The following TRIM2 variants were observed in gnomAD, a reference collection of about 807,000 sequenced individuals.
TRIM2 encodes tripartite motif-containing protein 2.
In TRIM2, 20 loss-of-function variants were observed where a neutral mutation model predicts 75.2. The observed-to-expected ratio is 0.27, with a 90% CI of 0.19 to 0.39. TRIM2 has a LOEUF of 0.39. Among genes scored for constraint, TRIM2 ranks in the 10% least tolerant of loss-of-function variants. The pLI, the probability that TRIM2 is intolerant of heterozygous loss-of-function variation, is 1.00. For missense variants in TRIM2, 660 were observed against 990.8 expected (o/e 0.67, Z 4.48); for synonymous variants, 373 against 388.3 (o/e 0.96, Z 0.46).
At chr4:153,268,128 C>T (rs376392074) in intron 1 of TRIM2, among the ~76,000 whole-genome samples, 3 of 152,152 alleles carry the variant, frequency 2.0e-5, no homozygotes. Flanking sequence ...GATTACCGGT[C>T]TGGGTGGTGT....
intron 1 of TRIM2, among the ~76,000 whole-genome samples, chr4:153,234,133 C>T (rs1176705209): frequency 6.6e-6 from 1 of 152,222 alleles, no homozygotes; most frequent in Non-Finnish European, 1.5e-5. Context: ...AAATGAGTCA[C>T]TGCGGAAGAG....
At chr4:153,274,230 GT>G (rs1757525638) in intron 2 of TRIM2, among the ~76,000 whole-genome samples, 1 of 152,206 alleles carries the variant, frequency 6.6e-6, no homozygotes, top group East Asian at 1.9e-4. Context: ...GTGGATAATT[GT>G]TAGAGGGTAC....
chr4:153,228,034 G>A (rs915586901), intron 1 of TRIM2, among the ~76,000 whole-genome samples: 1 of 152,146 alleles, frequency 6.6e-6, no homozygotes, highest in African/African-American at 2.4e-5. Context: ...TTATAAAAGT[G>A]AACCTCTTAT....
intron 1 of TRIM2, among the ~76,000 whole-genome samples, chr4:153,196,136 T>C (rs1382970513): frequency 6.6e-6 from 1 of 152,152 alleles, no homozygotes; most frequent in African/African-American, 2.4e-5. Flanking sequence ...GAGAAGTTAA[T>C]GAACATTGGC....
At chr4:153,237,264 A>G (rs1223215278) in intron 1 of TRIM2, among the ~76,000 whole-genome samples, 3 of 152,206 alleles carry the variant, frequency 2.0e-5, no homozygotes, top group Non-Finnish European at 4.4e-5. Context: ...TTAGTACCAT[A>G]TTATAACCAC....
chr4:153,184,223 G>A (rs1051880005), intron 1 of TRIM2, among the ~76,000 whole-genome samples: 2 of 152,114 alleles, frequency 1.3e-5, no homozygotes, highest in African/African-American at 4.8e-5. Flanking sequence ...CACAGTTTTG[G>A]AGGCTGGAAG....
At chr4:153,251,914 G>A (rs1268331304) in intron 1 of TRIM2, among the ~76,000 whole-genome samples, 1 of 142,522 alleles carries the variant, frequency 7.0e-6, no homozygotes, top group Non-Finnish European at 1.5e-5. Context: ...CCAGGAGGTC[G>A]AGCAGCAGTC....
At chr4:153,164,508 C>G (rs1420125132) in intron 1 of TRIM2, among the ~76,000 whole-genome samples, 1 of 151,958 alleles carries the variant, frequency 6.6e-6, no homozygotes, top group Non-Finnish European at 1.5e-5. Flanking sequence ...ATTTTTCATT[C>G]TTTTATTCAA....
At chr4:153,261,779 G>A (rs528626032) in intron 1 of TRIM2, among the ~76,000 whole-genome samples, 1 of 152,246 alleles carries the variant, frequency 6.6e-6, no homozygotes, top group East Asian at 1.9e-4. Flanking sequence ...ATAGTTTTCT[G>A]ATCTAAATGG....
At chr4:153,323,929 G>A in intron 9 of TRIM2, 149 bp from the exon 10 acceptor site, 1 of 627,252 alleles carries the variant, frequency 1.6e-6, no homozygotes, top group Non-Finnish European at 2.7e-6. Context: ...TGGAGGTCTG[G>A]CTGAATGATC....
rs202177942 is a variant in TRIM2 at position 153,295,765 on chromosome 4, C to T, written c.1239C>T (p.Asn413=). The change falls in exon 6 of 12, where the codon AAC becomes AAT. Residue 413 remains asparagine (N), a synonymous_variant. Coordinates refer to ENST00000338700, the MANE Select transcript of TRIM2 (RefSeq NM_015271.5). This position sits in a 1 kb window ranked among gnomAD's most constrained non-coding sequence, Gnocchi z 7.2. ...ACGGGGAGATCCTGGACAACAAGAA[C>T]GGCACCTATGAGTTTTTGTACACTG... The part of the protein sequence containing the change: ...VADGEILDNK[N]GTYEFLYTVQ... The T allele has an allele frequency of 1.7e-5, 27 of 1,614,054 alleles. No homozygotes were observed. Among genetic ancestry groups the T allele is most frequent in the East Asian group, 2.2e-5 (1 of 44,876 alleles).
Position 153,239,835 on chromosome 4 carries a change from T to TC in TRIM2, c.31-30500_31-30499insC, listed in dbSNP as rs370679522. Among the ~76,000 whole-genome samples, 25 of 99,764 alleles carry TC rather than the reference T, an allele frequency of 2.5e-4. 1 individual carries two copies. The highest frequency in any genetic ancestry group is 4.6e-4 in the Admixed American group (5 of 10,762). 65.4% of individuals were successfully genotyped at this position (99,764 alleles called of 152,430 possible). On this transcript the variant is annotated intron_variant, in intron 1 of 11. Transcript: ENST00000338700. Reference sequence around the variant, plus strand: ...TGACAGCATCCTAACTTTCTTTCTCTTTTTTTTTTTTTTTTTTGTAAGATG... The same window carrying TC: ...TGACAGCATCCTAACTTTCTTTCTCTCTTTTTTTTTTTTTTTTTGTAAGATG...
intron 1 of TRIM2, among the ~76,000 whole-genome samples, chr4:153,244,355 CTCTTCT>C (rs1209366783): frequency 0.015 from 192 of 12,638 alleles, 6 homozygotes; most frequent in East Asian, 0.028. Flanking sequence ...CTTCTTCTTC[CTCTTCT>C]TCTTCTTCTT....
chr4:153,173,253 G>A (rs1392142667), intron 1 of TRIM2, among the ~76,000 whole-genome samples: 1 of 152,212 alleles, frequency 6.6e-6, no homozygotes, highest in East Asian at 1.9e-4. Context: ...GGCCAGGCAT[G>A]GAGTGGCTCA....
At chr4:153,241,816 G>A (rs1399385305) in intron 1 of TRIM2, among the ~76,000 whole-genome samples, 7 of 152,168 alleles carry the variant, frequency 4.6e-5, no homozygotes, top group Admixed American at 6.5e-5. Context: ...CAGAGAGAAC[G>A]GAGGAGAGGC....
Position 153,335,623 on chromosome 4 carries a change from C to A in TRIM2, c.*657C>A, listed in dbSNP as rs1053650598. Reference sequence around the variant, plus strand: ...ATCCTTTTTTGTGTGTTCTTTTCACCACCCCTTTGGCTCACCTTGTATCAG... The same window carrying A: ...ATCCTTTTTTGTGTGTTCTTTTCACAACCCCTTTGGCTCACCTTGTATCAG... On this transcript the variant is annotated 3_prime_UTR_variant, in exon 12 of 12. Coordinates refer to ENST00000338700, the MANE Select transcript of TRIM2 (RefSeq NM_015271.5). 1 of 985,196 alleles carries A rather than the reference C, an allele frequency of 1.0e-6. No homozygotes were observed. Among genetic ancestry groups the A allele is most frequent in the South Asian group, 4.7e-5 (1 of 21,290 alleles). The allele number at this position is 985,196 out of a possible 1,614,324, so 61.0% of individuals were successfully genotyped here.
At chr4:153,261,070 C>G (rs1314968272) in intron 1 of TRIM2, among the ~76,000 whole-genome samples, 1 of 152,022 alleles carries the variant, frequency 6.6e-6, no homozygotes, top group East Asian at 1.9e-4. Context: ...TATAAATGTA[C>G]CAGAAGATTT....
At chr4:153,297,340 C>T (rs759864781) in intron 6 of TRIM2, among the ~76,000 whole-genome samples, 2 of 152,106 alleles carry the variant, frequency 1.3e-5, no homozygotes, top group Non-Finnish European at 2.9e-5. Context: ...GACTGGGAGG[C>T]GCCCAGGTCT....
intron 11 of TRIM2, among the ~76,000 whole-genome samples, chr4:153,329,688 T>A (rs1354515775): frequency 2.0e-5 from 3 of 151,134 alleles, no homozygotes; most frequent in African/African-American, 7.3e-5. Context: ...ATACAAAAAA[T>A]TTGCCAGGTG....
Sources: allele counts gnomAD v4.1 joint callset (sites outside exome capture counted in the v4.1 genomes callset), GRCh38; gene constraint gnomAD v4.1.1; non-coding constraint Gnocchi (gnomAD v3.1); transcripts MANE v1.5; gene names NCBI Gene and HGNC (gene_info 2026-07-23, HGNC 2026-07-21).